The following RBM6 variants were observed in gnomAD, a reference collection of about 807,000 sequenced individuals.
RBM6 encodes the protein RNA-binding protein 6.
A neutral mutation model predicts 140.4 loss-of-function variants in RBM6; 23 were observed. The ratio of observed to expected loss-of-function variants is 0.16; its 90% CI spans 0.12 to 0.23. RBM6 has a LOEUF of 0.23. Ranked by LOEUF, RBM6 falls within the 10% of genes least tolerant of loss-of-function variation. The pLI is 1.00. For synonymous variants in RBM6, 439 were observed against 475.6 expected (o/e 0.92, Z 1.00); for missense variants, 1,139 against 1,386.7 (o/e 0.82, Z 2.84).
In RBM6 at chr3:50,026,185, A is replaced by C. The variant is rs968345521; in HGVS notation, c.1558-22060A>C. Reference sequence around the variant, plus strand: ...CTGCAGCCTCCGCCTCCCGGGTTCAAGCGATTCTTCTACCTCAGCCTTCCG... The same window carrying C: ...CTGCAGCCTCCGCCTCCCGGGTTCACGCGATTCTTCTACCTCAGCCTTCCG... On this transcript the variant is annotated intron_variant, in intron 6 of 20. Transcript: ENST00000266022. Among the ~76,000 whole-genome samples the C allele has an allele frequency of 9.2e-5, 14 of 151,486 alleles. No individual in the cohort carries two copies. In the East Asian group the frequency reaches 2.7e-3, roughly 30 times the overall value.
At chr3:49,948,085 A>G (rs1204693952) in intron 1 of RBM6, among the ~76,000 whole-genome samples, 1 of 151,988 alleles carries the variant, frequency 6.6e-6, no homozygotes, top group Non-Finnish European at 1.5e-5. Context: ...AGAGCGAGAC[A>G]TGAGAATCTG....
intron 20 of RBM6, among the ~76,000 whole-genome samples, 181 bp from the exon 21 acceptor site, chr3:50,076,827 T>C (rs2090476779): frequency 6.6e-6 from 1 of 151,172 alleles, no homozygotes; most frequent in African/African-American, 2.4e-5. Flanking sequence ...AGACTTGCAG[T>C]GAGCCCAGAT....
chr3:50,034,557 T>G (rs1194371395), intron 6 of RBM6, among the ~76,000 whole-genome samples: 2 of 152,060 alleles, frequency 1.3e-5, no homozygotes, highest in African/African-American at 4.8e-5. Context: ...GGTCAGGAGT[T>G]TGAGACCAGC....
chr3:49,981,077 T>C (rs1251130660), intron 5 of RBM6, among the ~76,000 whole-genome samples: 1 of 151,944 alleles, frequency 6.6e-6, no homozygotes, highest in Non-Finnish European at 1.5e-5. Flanking sequence ...TAATTTTTTG[T>C]ATTTTTTAGT....
intron 5 of RBM6, among the ~76,000 whole-genome samples, chr3:49,991,340 T>C (rs1329565204): frequency 6.6e-6 from 1 of 152,148 alleles, no homozygotes; most frequent in Non-Finnish European, 1.5e-5. Flanking sequence ...TCTCATTATG[T>C]AGGCAGGATT....
At chr3:49,980,280 C>T (rs978156195) in intron 5 of RBM6, among the ~76,000 whole-genome samples, 3 of 151,678 alleles carry the variant, frequency 2.0e-5, no homozygotes, top group Non-Finnish European at 2.9e-5. Flanking sequence ...GCTGGAATTA[C>T]AGACGTGAGC....
chr3:50,020,872 C>CA (rs1316063715), intron 6 of RBM6, among the ~76,000 whole-genome samples: 5 of 152,278 alleles, frequency 3.3e-5, no homozygotes, highest in African/African-American at 9.6e-5. Flanking sequence ...ATCATATATG[C>CA]AAGCCCATTG....
intron 1 of RBM6, among the ~76,000 whole-genome samples, chr3:49,958,047 G>T (rs2108605146): frequency 6.6e-6 from 1 of 152,242 alleles, no homozygotes; most frequent in Middle Eastern, 3.4e-3. Context: ...GGCCAGGCTG[G>T]TCTTGAACTC....
At chr3:49,981,729 GTT>G (rs1396440936) in intron 5 of RBM6, 1 of 152,086 alleles carries the variant, frequency 6.6e-6, no homozygotes, top group Admixed American at 6.6e-5. Context: ...TGTTTTTTCT[GTT>G]TATATATAGT....
intron 11 of RBM6, among the ~76,000 whole-genome samples, chr3:50,060,549 C>T (rs2089894268): frequency 6.6e-6 from 1 of 151,054 alleles, no homozygotes; most frequent in South Asian, 2.1e-4. Context: ...AGATTGAGAT[C>T]ATCCTGGCTA....
chr3:49,961,409 C>T, intron 1 of RBM6, among the ~76,000 whole-genome samples: 1 of 152,178 alleles, frequency 6.6e-6, no homozygotes, highest in Non-Finnish European at 1.5e-5. Flanking sequence ...TCTCAAACTC[C>T]TTGGCTCAAG....
chr3:49,953,479 A>C (rs545890269), intron 1 of RBM6, among the ~76,000 whole-genome samples: 1 of 150,546 alleles, frequency 6.6e-6, no homozygotes, highest in African/African-American at 2.4e-5. Context: ...TGGCCTCCCA[A>C]AGTGCTGGGA....
At chr3:50,073,738 C>G (rs965365989) in intron 19 of RBM6, among the ~76,000 whole-genome samples, 5 of 152,126 alleles carry the variant, frequency 3.3e-5, no homozygotes, top group African/African-American at 1.2e-4. Context: ...AACCGTATAC[C>G]TTGCCTACAG....
chr3:50,005,465 T>C (rs1397231501), intron 6 of RBM6, among the ~76,000 whole-genome samples: 1 of 146,830 alleles, frequency 6.8e-6, no homozygotes, highest in Non-Finnish European at 1.5e-5. Flanking sequence ...GCCACTGCAC[T>C]GCAACCTGGG....
chr3:49,958,857 G>A (rs1414514472), intron 1 of RBM6, among the ~76,000 whole-genome samples: 1 of 139,970 alleles, frequency 7.1e-6, no homozygotes. Flanking sequence ...GCCATGGCAT[G>A]ATCTCAGCTC....
intron 19 of RBM6, among the ~76,000 whole-genome samples, chr3:50,073,846 C>CTTT (rs35212132): frequency 6.8e-6 from 1 of 147,144 alleles, no homozygotes; most frequent in Non-Finnish European, 1.5e-5. Flanking sequence ...CCCATGCAGC[C>CTTT]TTTTTTTTTT....
At chr3:49,941,163 GTC>G (rs1274681108) in intron 1 of RBM6, 1 of 152,148 alleles carries the variant, frequency 6.6e-6, no homozygotes, top group African/African-American at 2.4e-5. Flanking sequence ...AATTTGTGAG[GTC>G]TCTAACGAGA....
chr3:49,969,665 A>G (rs1487056298), intron 3 of RBM6, among the ~76,000 whole-genome samples: 1 of 151,344 alleles, frequency 6.6e-6, no homozygotes, highest in Non-Finnish European at 1.5e-5. Flanking sequence ...TGGTGTAATT[A>G]TGGCTCCTTG....
At chr3:49,982,262 C>CTTTTTTTTTT (rs751604271) in intron 5 of RBM6, among the ~76,000 whole-genome samples, 1,742 of 68,114 alleles carry the variant, frequency 0.026, 23 homozygotes, top group Non-Finnish European at 0.032. Context: ...CTTTTCTTTT[C>CTTTTTTTTTT]TTTTTTTTTT....
Sources: allele counts gnomAD v4.1 joint callset (sites outside exome capture counted in the v4.1 genomes callset), GRCh38; gene constraint gnomAD v4.1.1; transcripts MANE v1.5; gene names NCBI Gene and HGNC (gene_info 2026-07-23, HGNC 2026-07-21).